Variants in ATP6V1H observed in about 807,000 individuals in gnomAD.
ATP6V1H encodes the protein V-type proton ATPase subunit H.
ATP6V1H carries 39 observed loss-of-function variants against 71.7 expected under a neutral mutation model. The ratio of observed to expected loss-of-function variants is 0.54; its 90% CI spans 0.42 to 0.71. The LOEUF (loss-of-function observed/expected upper bound fraction) is 0.71, where lower values mean the gene tolerates loss of function less well. ATP6V1H is among the 30% of genes least tolerant of loss of function. The pLI, the probability that ATP6V1H is intolerant of heterozygous loss-of-function variation, is 0.00. For synonymous variants in ATP6V1H, 192 were observed against 199.3 expected (o/e 0.96, Z 0.31); for missense variants, 509 against 594.9 (o/e 0.86, Z 1.50).
intron 13 of ATP6V1H, among the ~76,000 whole-genome samples, chr8:53,719,796 T>A (rs1806553092): frequency 6.6e-6 from 1 of 152,216 alleles, no homozygotes; most frequent in South Asian, 2.1e-4. Flanking sequence ...AAGAGCTAAG[T>A]GAGCAAAGCG....
chr8:53,769,479 A>C (rs1267336944), intron 11 of ATP6V1H, 139 bp downstream of exon 11: 4 of 772,328 alleles, frequency 5.2e-6, no homozygotes, highest in South Asian at 2.2e-5. Context: ...GGATATGAAA[A>C]GGCATTCAAC....
Position 53,720,891 on chromosome 8 carries a change from A to G in ATP6V1H, c.1392-4867T>C, listed in dbSNP as rs536526164. Among the ~76,000 whole-genome samples, 5 of 152,300 alleles carry G rather than the reference A, an allele frequency of 3.3e-5. 1 individual carries two copies. In the South Asian group the frequency reaches 1.0e-3, roughly 32 times the overall value. On this transcript the variant is annotated intron_variant, in intron 13 of 13. Coordinates refer to ENST00000359530, the MANE Select transcript of ATP6V1H (RefSeq NM_015941.4). ...TCTTCCTTTAGTGTGCAAATTTTTC[A>G]TAACTAAAATCATAATGTTCTTGGA...
chr8:53,735,522 T>A (rs1399185224), intron 13 of ATP6V1H, among the ~76,000 whole-genome samples: 1 of 152,188 alleles, frequency 6.6e-6, no homozygotes, highest in Non-Finnish European at 1.5e-5. Flanking sequence ...TTTTTGCCTA[T>A]GCTCCTCCTC....
intron 9 of ATP6V1H, among the ~76,000 whole-genome samples, chr8:53,773,675 G>C (rs1235378431): frequency 6.6e-6 from 1 of 152,168 alleles, no homozygotes; most frequent in Non-Finnish European, 1.5e-5. Context: ...AGAAAACAAA[G>C]AGCAAGAAAG....
intron 9 of ATP6V1H, among the ~76,000 whole-genome samples, chr8:53,795,367 G>T (rs1009583539): frequency 6.6e-6 from 1 of 152,174 alleles, no homozygotes; most frequent in African/African-American, 2.4e-5. Context: ...GGAATACACT[G>T]CAACAGAAAA....
intron 10 of ATP6V1H, 97 bp downstream of exon 10, chr8:53,771,892 G>A: frequency 1.8e-6 from 2 of 1,093,258 alleles, no homozygotes; most frequent in Non-Finnish European, 2.7e-6. Flanking sequence ...CTCTTGATTT[G>A]TATAGGTGAC....
intron 11 of ATP6V1H, among the ~76,000 whole-genome samples, chr8:53,757,233 G>A (rs980205668): frequency 2.0e-5 from 3 of 152,082 alleles, no homozygotes; most frequent in African/African-American, 7.2e-5. Flanking sequence ...CACATAAATT[G>A]TCACTGGAGC....
At chr8:53,788,377 G>A (rs1365746467) in intron 9 of ATP6V1H, among the ~76,000 whole-genome samples, 1 of 152,056 alleles carries the variant, frequency 6.6e-6, no homozygotes, top group Admixed American at 6.5e-5. Context: ...GTTTAAATGA[G>A]ATTTTTAAAT....
intron 9 of ATP6V1H, among the ~76,000 whole-genome samples, chr8:53,787,604 C>A (rs906232157): frequency 6.6e-6 from 1 of 152,156 alleles, no homozygotes; most frequent in African/African-American, 2.4e-5. Context: ...CTTTATCTGA[C>A]ATATAATGTA....
chr8:53,806,383 G>A (rs1010265957), intron 7 of ATP6V1H, among the ~76,000 whole-genome samples: 3 of 151,940 alleles, frequency 2.0e-5, no homozygotes, highest in African/African-American at 7.2e-5. Flanking sequence ...TCTTGAAGTT[G>A]GCTGATTAAA....
At chr8:53,807,462 T>C (rs2130452602) in intron 7 of ATP6V1H, among the ~76,000 whole-genome samples, 1 of 152,142 alleles carries the variant, frequency 6.6e-6, no homozygotes, top group South Asian at 2.1e-4. Flanking sequence ...AACTAAGTCC[T>C]TTTTCCTCTC....
chr8:53,802,766 G>C (rs546154797), intron 7 of ATP6V1H, among the ~76,000 whole-genome samples: 36 of 152,036 alleles, frequency 2.4e-4, no homozygotes, highest in African/African-American at 8.7e-4. Context: ...TTACAACACA[G>C]CTAGACAAAC....
chr8:53,772,298 G>A (rs929317140), intron 9 of ATP6V1H, 131 bp from the exon 10 acceptor site: 9 of 697,358 alleles, frequency 1.3e-5, no homozygotes, highest in Non-Finnish European at 2.1e-5. Context: ...TTAAGTGGAT[G>A]ACTCTATCTC....
chr8:53,719,231 T>C (rs779358451), intron 13 of ATP6V1H, among the ~76,000 whole-genome samples: 1 of 152,194 alleles, frequency 6.6e-6, no homozygotes, highest in Non-Finnish European at 1.5e-5. Flanking sequence ...AGTGCAATGG[T>C]GTGATCTCAG....
chr8:53,838,174 G>A (rs755789365), intron 2 of ATP6V1H, among the ~76,000 whole-genome samples: 1 of 150,448 alleles, frequency 6.6e-6, no homozygotes, highest in Non-Finnish European at 1.5e-5. Context: ...TGCCCAGGCT[G>A]GAGTGCAGTG....
chr8:53,748,490 T>C (rs930228435), intron 12 of ATP6V1H, among the ~76,000 whole-genome samples: 1 of 152,222 alleles, frequency 6.6e-6, no homozygotes, highest in Non-Finnish European at 1.5e-5. Context: ...TAATTCTGTT[T>C]TCTTAATAAT....
chr8:53,770,026 T>C (rs1364166434), intron 10 of ATP6V1H, among the ~76,000 whole-genome samples: 1 of 152,144 alleles, frequency 6.6e-6, no homozygotes, highest in African/African-American at 2.4e-5. Context: ...CTCCAATATA[T>C]ACATGAATGT....
chr8:53,771,800 A>G (rs1317174434), intron 10 of ATP6V1H, among the ~76,000 whole-genome samples, 189 bp downstream of exon 10: 1 of 152,218 alleles, frequency 6.6e-6, no homozygotes, highest in African/African-American at 2.4e-5. Flanking sequence ...GTAAATAAGA[A>G]GAGATAACAC....
intron 9 of ATP6V1H, among the ~76,000 whole-genome samples, chr8:53,785,395 C>T (rs1346395835): frequency 3.9e-5 from 6 of 152,188 alleles, no homozygotes; most frequent in Non-Finnish European, 8.8e-5. Context: ...CCATCAGGTC[C>T]TTTAAGGACT....
Sources: allele counts gnomAD v4.1 joint callset (sites outside exome capture counted in the v4.1 genomes callset), GRCh38; gene constraint gnomAD v4.1.1; transcripts MANE v1.5; gene names NCBI Gene and HGNC (gene_info 2026-07-23, HGNC 2026-07-21).